Variants in ST3GAL2 observed in about 807,000 individuals in gnomAD.
ST3GAL2 encodes the protein ST3 beta-galactoside alpha-2,3-sialyltransferase 2.
Under a neutral mutation model 37.5 loss-of-function variants are expected in ST3GAL2, and 16 were observed. That is an observed-to-expected ratio of 0.43 (90% CI 0.29 to 0.65). The LOEUF is 0.65. ST3GAL2 is among the 30% of genes least tolerant of loss of function. The pLI is 0.17. For missense variants in ST3GAL2, 383 were observed against 487.8 expected, an observed-to-expected ratio of 0.79 and a Z score of 2.02; for synonymous variants, 238 against 202.9, an observed-to-expected ratio of 1.17 and a Z score of -1.47.
chr16:70,402,716 C>T (rs1210345079), intron 1 of ST3GAL2, among the ~76,000 whole-genome samples: 1 of 152,128 alleles, frequency 6.6e-6, no homozygotes, highest in Non-Finnish European at 1.5e-5. Flanking sequence ...GTGGCGTGAT[C>T]TTGGCTCACT....
intron 1 of ST3GAL2, 106 bp from the exon 2 acceptor site, chr16:70,399,639 A>G (rs910514506): frequency 3.6e-5 from 14 of 391,690 alleles, no homozygotes; most frequent in African/African-American, 2.9e-4. Context: ...GGAGATGCCC[A>G]CTTAATCAGA....
At chr16:70,424,917 G>A (rs2047740039) in intron 1 of ST3GAL2, among the ~76,000 whole-genome samples, 1 of 152,194 alleles carries the variant, frequency 6.6e-6, no homozygotes, top group Non-Finnish European at 1.5e-5. Context: ...CTGATATGGA[G>A]TCTGTGTCCA....
At chr16:70,389,654 C>T (rs1424908755) in intron 3 of ST3GAL2, among the ~76,000 whole-genome samples, 1 of 151,946 alleles carries the variant, frequency 6.6e-6, no homozygotes, top group Admixed American at 6.6e-5. Context: ...TCAGTAGAGA[C>T]GGGGTTTCAC....
At chr16:70,403,782 A>T (rs1255214777) in intron 1 of ST3GAL2, among the ~76,000 whole-genome samples, 8 of 152,198 alleles carry the variant, frequency 5.3e-5, no homozygotes, top group Admixed American at 1.3e-4. Context: ...ACAGCACTCC[A>T]GCCTGGTGAC....
intron 1 of ST3GAL2, among the ~76,000 whole-genome samples, chr16:70,415,704 G>A (rs1201827620): frequency 1.3e-5 from 2 of 151,040 alleles, no homozygotes; most frequent in African/African-American, 2.4e-5. Flanking sequence ...TACCCACCTC[G>A]GCCTCCCAAA....
In ST3GAL2 at chr16:70,413,975, T is replaced by A. The variant is rs558713194; in HGVS notation, c.-1003-14442A>T. ...CTTCAGCCTGGCTTTCTTCCTTGTG[T>A]TCTTGTCTATTTCTCATCCACAGGG... On this transcript the variant is annotated intron_variant, in intron 1 of 6. Transcript: ENST00000342907. 2.3e-4 allele frequency among the ~76,000 whole-genome samples: 35 copies of A among 152,320 alleles called. No homozygotes were observed. The South Asian group carries it at 3.7e-3, about 16-fold the overall frequency.
At position 70,379,007 on chromosome 16, in the gene ST3GAL2, ATAAAT is replaced by A. The variant is rs1339794791; in HGVS notation, c.*2677_*2681del. On this transcript the variant is annotated 3_prime_UTR_variant, in exon 7 of 7. Coordinates refer to ENST00000342907, the MANE Select transcript of ST3GAL2 (RefSeq NM_006927.4). ...AACAAGACTCTGTCTCAATAAATAA[ATAAAT>A]TAAATAAATAAAAATGCGGGTTGCC... 1 of 152,188 alleles carries A rather than the reference ATAAAT, an allele frequency of 6.6e-6. No homozygotes were observed. Among genetic ancestry groups the A allele is most frequent in the Non-Finnish European group, 1.5e-5 (1 of 68,090 alleles). The allele number at this position is 152,188 out of a possible 1,614,324, so 9.4% of individuals were successfully genotyped here.
chr16:70,407,050 T>A (rs1031131933), intron 1 of ST3GAL2, among the ~76,000 whole-genome samples: 9 of 151,614 alleles, frequency 5.9e-5, no homozygotes, highest in Non-Finnish European at 1.3e-4. Context: ...ATTGTTGGGG[T>A]TGGAGATTTA....
At chr16:70,385,277 CAG>C (rs1177911005) in intron 4 of ST3GAL2, among the ~76,000 whole-genome samples, 4 of 152,092 alleles carry the variant, frequency 2.6e-5, no homozygotes, top group Admixed American at 2.6e-4. Flanking sequence ...GCCTGGGTGA[CAG>C]AGTGAGACTC....
chr16:70,382,758 T>G lies in ST3GAL2; in HGVS notation c.879+47A>C, dbSNP rs772454365. 10 of 1,611,528 alleles carry G rather than the reference T, an allele frequency of 6.2e-6. No homozygotes were observed. The South Asian group carries it at 1.1e-4, about 18-fold the overall frequency. On this transcript the variant is annotated intron_variant, in intron 6 of 6. Transcript: ENST00000342907. Reference sequence around the variant, plus strand: ...TGCTAAGACCCGAGAAGGCCTGCACTCCTCTGTTCCATGGGTTCCCACCAC... The same window carrying G: ...TGCTAAGACCCGAGAAGGCCTGCACGCCTCTGTTCCATGGGTTCCCACCAC...
chr16:70,420,754 T>C (rs1485177016), intron 1 of ST3GAL2, among the ~76,000 whole-genome samples: 1 of 152,232 alleles, frequency 6.6e-6, no homozygotes, highest in Non-Finnish European at 1.5e-5. Flanking sequence ...TTTGGAAAGG[T>C]CAGCCTGTGG....
Position 70,439,009 on chromosome 16 carries a change from G to A in ST3GAL2, c.-1064C>T. On this transcript the variant is annotated 5_prime_UTR_variant, in exon 1 of 7. Coordinates refer to ENST00000342907, the MANE Select transcript of ST3GAL2 (RefSeq NM_006927.4). ...GCCGCTCCGGCCGCCGCCGCCGCCC[G>A]CGCAGAAAGCCGTCGCCGCCGCCGC... 1 of 152,544 alleles carries A rather than the reference G, an allele frequency of 6.6e-6. No homozygotes were observed. Among genetic ancestry groups the A allele is most frequent in the Non-Finnish European group, 1.3e-5 (1 of 75,044 alleles). 9.4% of individuals were successfully genotyped at this position (152,544 alleles called of 1,614,324 possible).
At chr16:70,384,015 T>C (rs538513660) in intron 4 of ST3GAL2, among the ~76,000 whole-genome samples, 6 of 151,958 alleles carry the variant, frequency 3.9e-5, no homozygotes, top group Non-Finnish European at 7.4e-5. Flanking sequence ...AGACCACACC[T>C]CCCTGTAGCC....
chr16:70,430,855 C>G (rs1442067348), intron 1 of ST3GAL2, among the ~76,000 whole-genome samples: 25 of 152,098 alleles, frequency 1.6e-4, no homozygotes, highest in Admixed American at 1.6e-3. Flanking sequence ...TTGGTTGCTG[C>G]CATCTTTTCT....
intron 2 of ST3GAL2, among the ~76,000 whole-genome samples, chr16:70,395,716 C>T (rs2047511298): frequency 1.3e-5 from 2 of 152,222 alleles, no homozygotes; most frequent in South Asian, 4.1e-4. Flanking sequence ...CCAGCGAGAC[C>T]TGTACCAACC....
chr16:70,410,168 A>T (rs936255557), intron 1 of ST3GAL2, among the ~76,000 whole-genome samples: 1 of 110,632 alleles, frequency 9.0e-6, no homozygotes, highest in Admixed American at 9.3e-5. Context: ...CTTATTCAGT[A>T]TTTTGTCTAC....
intron 3 of ST3GAL2, among the ~76,000 whole-genome samples, chr16:70,394,369 C>T (rs1299010189): frequency 1.3e-5 from 2 of 152,200 alleles, no homozygotes; most frequent in Middle Eastern, 3.4e-3. Flanking sequence ...AGGACAGGGC[C>T]GGCTTCTGAT....
At chr16:70,394,881 CG>C (rs984664505) in intron 3 of ST3GAL2, 100 bp downstream of exon 3, 16 of 1,370,902 alleles carry the variant, frequency 1.2e-5, no homozygotes, top group Non-Finnish European at 1.5e-5. Flanking sequence ...CACAGCACAC[CG>C]GTAGCTGGCA....
At chr16:70,386,619 G>A (rs758318172) in intron 4 of ST3GAL2, among the ~76,000 whole-genome samples, 3 of 151,934 alleles carry the variant, frequency 2.0e-5, no homozygotes, top group Non-Finnish European at 4.4e-5. Context: ...TTACAGGCAT[G>A]AACCACCATG....
Sources: gnomAD v4.1 joint callset for allele counts (sites outside exome capture counted in the v4.1 genomes callset) on GRCh38, gnomAD v4.1.1 for gene constraint, MANE v1.5 for transcripts, NCBI Gene and HGNC (gene_info 2026-07-23, HGNC 2026-07-21) for gene names.